RAB6A: variants seen among roughly 807,000 people sequenced by gnomAD.
RAB6A encodes the protein RAB6A, member RAS oncogene family.
In RAB6A, 8 loss-of-function variants were observed where a neutral mutation model predicts 32.3. That is an observed-to-expected ratio of 0.25 (90% CI 0.15 to 0.45). The LOEUF is 0.45. Ranked by LOEUF, RAB6A falls within the 20% of genes least tolerant of loss-of-function variation. RAB6A has a pLI of 1.00. For synonymous variants in RAB6A, 73 were observed against 82.1 expected (o/e 0.89, Z 0.60); for missense variants, 104 against 249.4 (o/e 0.42, Z 3.93).
chr11:73,722,305 G>GTGTGTATGTATATATATATATATATA (rs1238666420), intron 2 of RAB6A: 3 of 42,366 alleles, frequency 7.1e-5, no homozygotes, highest in African/African-American at 3.0e-4. Flanking sequence ...ATGTGTGTGT[G>GTGTGTATGTATATATATATATATATA]TATATATATA....
intron 1 of RAB6A, among the ~76,000 whole-genome samples, chr11:73,739,196 G>GAT (rs1297334629): frequency 7.3e-6 from 1 of 137,050 alleles, no homozygotes; most frequent in Non-Finnish European, 1.5e-5. Flanking sequence ...AGGGAGCCAA[G>GAT]ATCACAGCAC....
Position 73,676,636 on chromosome 11 carries a change from T to A in RAB6A, c.*1262A>T, listed in dbSNP as rs1177062153. The A allele has an allele frequency of 6.0e-6, 1 of 167,020 alleles. No individual in the cohort carries two copies. Among genetic ancestry groups the A allele is most frequent in the Non-Finnish European group, 1.5e-5 (1 of 68,076 alleles). The allele number at this position is 167,020 out of a possible 1,614,324, so 10.3% of individuals were successfully genotyped here. A position where few individuals can be genotyped will look rare whatever the true frequency, so the allele number is the denominator to read the frequency against. ...CCCAACCTTAAAAAATGCTAAAAAA[T>A]AAGGCATAAATCTGCATAATATTGA... is the stretch of plus-strand genomic sequence containing the variant. On this transcript the variant is annotated 3_prime_UTR_variant, in exon 8 of 8. Transcript: ENST00000336083.
At chr11:73,759,959 C>T (rs1365282208) in intron 1 of RAB6A, 1 of 1,186,738 alleles carries the variant, frequency 8.4e-7, no homozygotes, top group Non-Finnish European at 1.1e-6. Flanking sequence ...CTCAAGTCGT[C>T]TCCAATTCAG....
intron 1 of RAB6A, among the ~76,000 whole-genome samples, chr11:73,742,998 G>A (rs1433347549): frequency 6.6e-6 from 1 of 151,920 alleles, no homozygotes; most frequent in Non-Finnish European, 1.5e-5. Context: ...ACAAGAGAGT[G>A]AACAAGATAA....
chr11:73,712,357 C>CTT (rs368646343), intron 5 of RAB6A, among the ~76,000 whole-genome samples: 36 of 144,680 alleles, frequency 2.5e-4, no homozygotes, highest in Non-Finnish European at 3.8e-4. Context: ...CCTAGCTTTT[C>CTT]CTTTTTTTTT....
rs1367089461 is a variant in RAB6A, at chr11:73,718,730, A to C, written c.184-12T>G. ...AATTGCAATCGTACCTAACAACAAA[A>C]TCAGTCAAACAAGCAAGAAAAATAA... On this transcript the variant is annotated splice_polypyrimidine_tract_variant and intron_variant, in intron 3 of 7. Coordinates refer to ENST00000336083, the MANE Select transcript of RAB6A (RefSeq NM_198896.2). 1 of 1,613,876 alleles carries C rather than the reference A, an allele frequency of 6.2e-7. No homozygotes were observed. The highest frequency in any genetic ancestry group is 8.5e-7 in the Non-Finnish European group (1 of 1,179,916).
chr11:73,723,759 C>G (rs574262881), intron 2 of RAB6A, among the ~76,000 whole-genome samples: 2 of 152,126 alleles, frequency 1.3e-5, no homozygotes, highest in East Asian at 3.9e-4. Flanking sequence ...AAACAATAAG[C>G]TAATTAAGTA....
At chr11:73,734,808 G>A (rs1337833922) in intron 1 of RAB6A, among the ~76,000 whole-genome samples, 1 of 152,156 alleles carries the variant, frequency 6.6e-6, no homozygotes, top group Non-Finnish European at 1.5e-5. Context: ...AAAACTAAAG[G>A]AGAGTGTCTC....
intron 1 of RAB6A, among the ~76,000 whole-genome samples, chr11:73,737,032 G>GCAAGTCT (rs1412788193): frequency 6.8e-6 from 1 of 147,598 alleles, no homozygotes. Flanking sequence ...GGGACACAAA[G>GCAAGTCT]CAAGTCTCAA....
At chr11:73,753,580 G>A (rs1482464956) in intron 1 of RAB6A, among the ~76,000 whole-genome samples, 8 of 151,740 alleles carry the variant, frequency 5.3e-5, no homozygotes, top group African/African-American at 1.2e-4. Context: ...GCATGGTGGC[G>A]GGCGCCTGTA....
intron 2 of RAB6A, among the ~76,000 whole-genome samples, chr11:73,727,147 G>T (rs1946235379): frequency 6.6e-6 from 1 of 152,112 alleles, no homozygotes; most frequent in African/African-American, 2.4e-5. Flanking sequence ...AGAGCTTTTG[G>T]CCAGGCATGC....
intron 1 of RAB6A, among the ~76,000 whole-genome samples, chr11:73,739,284 A>AAAAAATATATATATATAT (rs1208877325): frequency 4.4e-4 from 3 of 6,756 alleles, no homozygotes; most frequent in Non-Finnish European, 6.9e-4. Context: ...AAAAAAAAAA[A>AAAAAATATATATATATAT]ATATATATAT....
At chr11:73,703,308 G>A (rs1257389926) in intron 6 of RAB6A, among the ~76,000 whole-genome samples, 2 of 151,998 alleles carry the variant, frequency 1.3e-5, no homozygotes, top group Admixed American at 6.6e-5. Flanking sequence ...CAGAACCAAG[G>A]ACATGAAATA....
intron 1 of RAB6A, among the ~76,000 whole-genome samples, chr11:73,733,777 A>G (rs1369241337): frequency 6.6e-6 from 1 of 152,056 alleles, no homozygotes; most frequent in African/African-American, 2.4e-5. Flanking sequence ...TAATGCTGAT[A>G]GAAGTCAAGA....
At chr11:73,718,537 G>C in intron 4 of RAB6A, 76 bp downstream of exon 4, 1 of 1,232,886 alleles carries the variant, frequency 8.1e-7, no homozygotes, top group Non-Finnish European at 1.1e-6. Context: ...AGGAAAACAA[G>C]CACAAGACAA....
At chr11:73,760,178 C>G (rs1946821620) in intron 1 of RAB6A, 1 of 1,143,920 alleles carries the variant, frequency 8.7e-7, no homozygotes, top group Non-Finnish European at 1.2e-6. Context: ...CCTCACAGAG[C>G]TGAGGAACTG....
intron 3 of RAB6A, among the ~76,000 whole-genome samples, chr11:73,719,104 A>G (rs1446618324): frequency 2.0e-5 from 3 of 152,174 alleles, no homozygotes; most frequent in Non-Finnish European, 4.4e-5. Flanking sequence ...AACATAAATG[A>G]CTGGAAAATG....
At position 73,677,483 on chromosome 11, in the gene RAB6A, G is replaced by GATT. The variant is rs1945287317; in HGVS notation, c.*414_*415insAAT. Reference sequence around the variant, plus strand: ...GAGGCTAGGTAAGAATAGGGTAATAGGGAATGGGGGTAAGTGAGAGGTGAG... The same window carrying GATT: ...GAGGCTAGGTAAGAATAGGGTAATAGATTGGAATGGGGGTAAGTGAGAGGTGAG... On this transcript the variant is annotated 3_prime_UTR_variant, in exon 8 of 8. Transcript: ENST00000336083. The GATT allele has an allele frequency of 3.2e-6, 1 of 310,482 alleles. No individual in the cohort carries two copies. Among genetic ancestry groups the GATT allele is most frequent in the African/African-American group, 2.2e-5 (1 of 45,490 alleles). 19.2% of individuals were successfully genotyped at this position (310,482 alleles called of 1,614,324 possible).
At chr11:73,755,099 C>G (rs1946726997) in intron 1 of RAB6A, among the ~76,000 whole-genome samples, 1 of 149,642 alleles carries the variant, frequency 6.7e-6, no homozygotes, top group South Asian at 2.1e-4. Flanking sequence ...AGGCTAATTT[C>G]TTTGTATTTT....
Sources: allele counts gnomAD v4.1 joint callset (sites outside exome capture counted in the v4.1 genomes callset), GRCh38; gene constraint gnomAD v4.1.1; transcripts MANE v1.5; gene names NCBI Gene and HGNC (gene_info 2026-07-23, HGNC 2026-07-21).